Variants in TRAK1 observed in about 807,000 individuals in gnomAD.
TRAK1 encodes trafficking kinesin protein 1, also known as trafficking kinesin-binding protein 1.
Under a neutral mutation model 92.1 loss-of-function variants are expected in TRAK1, and 33 were observed. The observed-to-expected ratio is 0.36, with a 90% CI of 0.27 to 0.48. The LOEUF is 0.48. Ranked by LOEUF, TRAK1 falls within the 20% of genes least tolerant of loss-of-function variation. The pLI is 0.99. For synonymous variants in TRAK1, 521 were observed against 517.3 expected, an observed-to-expected ratio of 1.01 and a Z score of -0.10; for missense variants, 1,123 against 1,257.9, an observed-to-expected ratio of 0.89 and a Z score of 1.62.
chr3:42,215,197 A>G (rs1709533958), intron 14 of TRAK1, among the ~76,000 whole-genome samples: 1 of 152,200 alleles, frequency 6.6e-6, no homozygotes, highest in Non-Finnish European at 1.5e-5. Context: ...AGCATCTTCC[A>G]TGCCCTGATA....
chr3:42,125,555 C>G lies in TRAK1; in HGVS notation c.227C>G (p.Ser76Cys). The G allele has an allele frequency of 6.2e-7, 1 of 1,614,224 alleles. No homozygotes were observed. Among genetic ancestry groups the G allele is most frequent in the Non-Finnish European group, 8.5e-7 (1 of 1,180,032 alleles). ...GACTGGCTCCATACACCTCTCATTT[C>G]TCCAGATGCCAACATTGACCTCACA... Reference protein sequence around the residue: ...HDDWLHTPLISPDANIDLTTE... With the variant: ...HDDWLHTPLICPDANIDLTTE... The change falls in exon 2 of 16, where the codon TCT (serine) becomes TGT (cysteine). Residue 76 changes from serine (S) to cysteine (C), a missense_variant. Transcript: ENST00000327628.
intron 1 of TRAK1, among the ~76,000 whole-genome samples, chr3:42,122,018 G>A (rs2133074): frequency 0.62 from 94,405 of 151,850 alleles, 29,646 homozygotes; most frequent in South Asian, 0.77. Flanking sequence ...GGGTTTCACC[G>A]TGTTGGCCAG....
intron 1 of TRAK1, among the ~76,000 whole-genome samples, chr3:42,044,199 C>T (rs779221111): frequency 7.9e-5 from 12 of 152,166 alleles, no homozygotes; most frequent in African/African-American, 2.7e-4. Context: ...CTTGCTCTGT[C>T]GCCCAGGCTG....
intron 14 of TRAK1, 168 bp from the exon 15 acceptor site, chr3:42,219,326 T>C: frequency 2.0e-6 from 2 of 985,420 alleles, no homozygotes; most frequent in Non-Finnish European, 2.4e-6. Flanking sequence ...TGGTTATTTT[T>C]GAGGACTCGC....
intron 1 of TRAK1, among the ~76,000 whole-genome samples, chr3:42,072,522 C>T (rs1177879013): frequency 1.3e-5 from 2 of 151,186 alleles, no homozygotes; most frequent in Admixed American, 1.3e-4. Flanking sequence ...GGGAGAGATG[C>T]AGACCGTTAT....
At chr3:42,155,958 C>T (rs1381104882) in intron 2 of TRAK1, among the ~76,000 whole-genome samples, 3 of 152,154 alleles carry the variant, frequency 2.0e-5, no homozygotes, top group Non-Finnish European at 4.4e-5. Context: ...GTGATTGACC[C>T]TCCCCTCCAC....
intron 2 of TRAK1, among the ~76,000 whole-genome samples, chr3:42,161,676 A>C (rs1701288296): frequency 6.6e-6 from 1 of 152,264 alleles, no homozygotes; most frequent in South Asian, 2.1e-4. Context: ...CTGTTCTAAA[A>C]ATATGGTTAA....
intron 1 of TRAK1, among the ~76,000 whole-genome samples, chr3:42,101,884 C>T (rs556964375): frequency 6.6e-6 from 1 of 152,334 alleles, no homozygotes; most frequent in Admixed American, 6.5e-5. Flanking sequence ...CAGCAATCCT[C>T]CACCTATTTA....
In TRAK1 at chr3:42,202,609, G is replaced by A. The variant is rs1382861013; in HGVS notation, c.1601G>A (p.Arg534His). ...GAGCTGGCGGAGAAGGGCGAGCTGC[G>A]CAGCGGCTCCCTCACACCCACTGAG... ...LQELAEKGEL[R>H]SGSLTPTESI... The change falls in exon 13 of 16, where the codon CGC becomes CAC. Residue 534 changes from arginine (R) to histidine (H), a missense_variant. Transcript: ENST00000327628. This position sits in a 1 kb window ranked among gnomAD's most constrained non-coding sequence, Gnocchi z 6.1. The A allele has an allele frequency of 9.4e-6, 15 of 1,598,972 alleles. No homozygotes were observed. Among genetic ancestry groups the A allele is most frequent in the Middle Eastern group, 1.7e-4 (1 of 6,022 alleles).
intron 2 of TRAK1, among the ~76,000 whole-genome samples, chr3:42,130,033 G>A (rs944360621): frequency 5.3e-5 from 8 of 151,870 alleles, no homozygotes. Flanking sequence ...CATGGCTCAG[G>A]GCATTGTCCC....
chr3:42,128,211 A>T (rs554021881), intron 2 of TRAK1, among the ~76,000 whole-genome samples: 1 of 152,264 alleles, frequency 6.6e-6, no homozygotes, highest in African/African-American at 2.4e-5. Flanking sequence ...GAAAAAACAA[A>T]CAGTAGACTT....
intron 3 of TRAK1, among the ~76,000 whole-genome samples, chr3:42,182,084 T>C (rs910296662): frequency 6.6e-6 from 1 of 151,202 alleles, no homozygotes; most frequent in African/African-American, 2.4e-5. Flanking sequence ...ATTACAGGCA[T>C]GAGCCACTGC....
At chr3:42,157,509 G>C (rs1423344647) in intron 2 of TRAK1, among the ~76,000 whole-genome samples, 1 of 140,168 alleles carries the variant, frequency 7.1e-6, no homozygotes, top group Non-Finnish European at 1.5e-5. Flanking sequence ...TGGCAGTAGT[G>C]GGACCGCTCC....
At chr3:42,030,573 T>C (rs1702093337) in intron 1 of TRAK1, among the ~76,000 whole-genome samples, 1 of 147,522 alleles carries the variant, frequency 6.8e-6, no homozygotes, top group Admixed American at 6.8e-5. Flanking sequence ...TTTGGGAGAC[T>C]GAGGCAGGAA....
intron 2 of TRAK1, among the ~76,000 whole-genome samples, chr3:42,158,625 C>G (rs1294928274): frequency 6.9e-6 from 1 of 145,646 alleles, no homozygotes; most frequent in Non-Finnish European, 1.5e-5. Context: ...TGGTAAAATA[C>G]AGCTCTAATT....
intron 1 of TRAK1, among the ~76,000 whole-genome samples, chr3:42,123,464 C>T (rs1202431022): frequency 1.3e-5 from 2 of 152,244 alleles, no homozygotes; most frequent in African/African-American, 4.8e-5. Context: ...GCCCTTCCTG[C>T]TTCCTGTGAC....
Position 42,184,459 on chromosome 3 carries a change from G to T in TRAK1, c.364-226G>T, listed in dbSNP as rs4682953. ...AACAAAGATTTGTTTTCATTACATTGTCAGGCTTCCCTTTCCTTGTGTGAT... is the reference window on the plus strand; with the variant it reads ...AACAAAGATTTGTTTTCATTACATTTTCAGGCTTCCCTTTCCTTGTGTGAT... On this transcript the variant is annotated intron_variant, in intron 3 of 15. Coordinates refer to ENST00000327628, the MANE Select transcript of TRAK1 (RefSeq NM_001042646.3). Among the ~76,000 whole-genome samples the T allele has an allele frequency of 0.66, 100,502 of 152,074 alleles. 33,626 individuals are homozygous for T. Among genetic ancestry groups the T allele is most frequent in the East Asian group, 0.95 (4,941 of 5,188 alleles).
chr3:42,220,642 C>T, intron 15 of TRAK1: 1 of 978,416 alleles, frequency 1.0e-6, no homozygotes, highest in Non-Finnish European at 1.2e-6. Context: ...GTGGAAGGAG[C>T]TGTGTGTGCA....
chr3:42,149,774 G>T (rs568555070), intron 2 of TRAK1, among the ~76,000 whole-genome samples: 1 of 152,238 alleles, frequency 6.6e-6, no homozygotes, highest in South Asian at 2.1e-4. Context: ...TGGCAGGTGG[G>T]CAGGGCTCTT....
Sources: allele counts gnomAD v4.1 joint callset (sites outside exome capture counted in the v4.1 genomes callset), GRCh38; gene constraint gnomAD v4.1.1; non-coding constraint Gnocchi (gnomAD v3.1); transcripts MANE v1.5; gene names NCBI Gene and HGNC (gene_info 2026-07-23, HGNC 2026-07-21).